Variants in ANO10 observed in about 807,000 individuals in gnomAD.
ANO10 encodes anoctamin-10.
In ANO10, 77 loss-of-function variants were observed where a neutral mutation model predicts 74.7. That is an observed-to-expected ratio of 1.03 (90% confidence interval 0.86 to 1.25). The LOEUF is 1.25. Ranked by LOEUF, ANO10 falls within the 50% of genes most tolerant of loss-of-function variation. The probability of loss-of-function intolerance (pLI) is 0.00; values close to 1 mark genes in which losing one functional copy is unlikely to be tolerated. For missense variants in ANO10, 721 were observed against 778.1 expected (o/e 0.93, Z 0.87); for synonymous variants, 279 against 284.9 (o/e 0.98, Z 0.21).
At chr3:43,678,760 AC>A (rs368672325) in intron 1 of ANO10, among the ~76,000 whole-genome samples, 546 of 152,326 alleles carry the variant, frequency 3.6e-3, no homozygotes, top group African/African-American at 0.011. Flanking sequence ...TCATACTCCT[AC>A]AGTAAAGTCA....
At chr3:43,629,064 T>C (rs1378631723) in intron 1 of ANO10, among the ~76,000 whole-genome samples, 1 of 152,138 alleles carries the variant, frequency 6.6e-6, no homozygotes, top group African/African-American at 2.4e-5. Flanking sequence ...AACTTGCTGG[T>C]TTTGCGGCTT....
At chr3:43,415,950 C>T (rs1288818763) in intron 12 of ANO10, among the ~76,000 whole-genome samples, 1 of 151,734 alleles carries the variant, frequency 6.6e-6, no homozygotes, top group African/African-American at 2.4e-5. Flanking sequence ...TTTAAATAAC[C>T]TAGACTGATG....
chr3:43,506,405 T>C (rs572561216), intron 11 of ANO10, among the ~76,000 whole-genome samples: 6 of 152,330 alleles, frequency 3.9e-5, no homozygotes, highest in Admixed American at 3.3e-4. Flanking sequence ...ACTTCCTACC[T>C]GGTCTCTCTG....
At chr3:43,436,446 T>C (rs989541037) in intron 11 of ANO10, among the ~76,000 whole-genome samples, 1 of 152,080 alleles carries the variant, frequency 6.6e-6, no homozygotes, top group African/African-American at 2.4e-5. Context: ...CTCACAAAAT[T>C]ATATCCTAAA....
chr3:43,515,445 T>A (rs1458738209), intron 11 of ANO10, among the ~76,000 whole-genome samples: 2 of 152,166 alleles, frequency 1.3e-5, no homozygotes, highest in African/African-American at 4.8e-5. Flanking sequence ...AGGACTGGAA[T>A]GACACCATTG....
At chr3:43,603,966 C>T (rs562643142) in intron 2 of ANO10, among the ~76,000 whole-genome samples, 61 of 152,172 alleles carry the variant, frequency 4.0e-4, no homozygotes, top group African/African-American at 1.4e-3. Context: ...AGAATCTGTG[C>T]CTTCAACTGT....
intron 11 of ANO10, among the ~76,000 whole-genome samples, chr3:43,456,243 C>T (rs2075121488): frequency 6.6e-6 from 1 of 152,176 alleles, no homozygotes; most frequent in Non-Finnish European, 1.5e-5. Flanking sequence ...ATGATACTCT[C>T]AGCTGCATTT....
At chr3:43,480,644 G>A (rs2076231295) in intron 11 of ANO10, among the ~76,000 whole-genome samples, 1 of 152,170 alleles carries the variant, frequency 6.6e-6, no homozygotes, top group African/African-American at 2.4e-5. Flanking sequence ...GGTGGTAAAC[G>A]AGAAGCCAAG....
At chr3:43,380,210 A>G (rs1279984697) in intron 12 of ANO10, among the ~76,000 whole-genome samples, 1 of 152,190 alleles carries the variant, frequency 6.6e-6, no homozygotes, top group Non-Finnish European at 1.5e-5. Flanking sequence ...CCTAAGAATA[A>G]TTGGTGTTCT....
chr3:43,565,797 G>T, intron 7 of ANO10, 70 bp from the exon 8 acceptor site: 1 of 1,484,160 alleles, frequency 6.7e-7, no homozygotes, highest in East Asian at 2.5e-5. Flanking sequence ...CAACTGTAAT[G>T]CAGCATTTAA....
In ANO10 at chr3:43,518,311, A is replaced by G. The variant is rs570747090; in HGVS notation, c.1797+31409T>C. Among the ~76,000 whole-genome samples, 9 of 152,258 alleles carry G rather than the reference A, an allele frequency of 5.9e-5. No individual in the cohort carries two copies. In the East Asian group the frequency reaches 1.4e-3, roughly 23 times the overall value. ...TTCATGGACATTTATCACTCCCCCA[A>G]TCAACACTCTTATAATTTCCTATGC... On this transcript the variant is annotated intron_variant, in intron 11 of 12. Coordinates refer to ENST00000292246, the MANE Select transcript of ANO10 (RefSeq NM_018075.5).
chr3:43,450,667 C>T (rs2074822620), intron 11 of ANO10, among the ~76,000 whole-genome samples: 1 of 152,160 alleles, frequency 6.6e-6, no homozygotes, highest in Non-Finnish European at 1.5e-5. Flanking sequence ...TTTTATAAAT[C>T]AAGTGACAAA....
intron 12 of ANO10, among the ~76,000 whole-genome samples, chr3:43,389,301 T>C (rs1037153160): frequency 2.0e-5 from 3 of 152,244 alleles, no homozygotes; most frequent in African/African-American, 7.2e-5. Context: ...AGATAAGCTG[T>C]TTGCTAACAG....
intron 11 of ANO10, among the ~76,000 whole-genome samples, chr3:43,468,601 T>C (rs2075724001): frequency 6.6e-6 from 1 of 152,164 alleles, no homozygotes; most frequent in African/African-American, 2.4e-5. Flanking sequence ...TTTCACCTGT[T>C]TTCATGAATG....
chr3:43,655,724 T>C (rs1043086777), intron 1 of ANO10, among the ~76,000 whole-genome samples: 3 of 152,256 alleles, frequency 2.0e-5, no homozygotes, highest in African/African-American at 7.2e-5. Flanking sequence ...AGATAGAGTG[T>C]TGATTGGTGC....
chr3:43,418,254 G>A (rs190990533), intron 12 of ANO10, among the ~76,000 whole-genome samples: 1 of 152,352 alleles, frequency 6.6e-6, no homozygotes, highest in African/African-American at 2.4e-5. Flanking sequence ...TCCAGCCTGG[G>A]TGACAGGGCG....
chr3:43,597,951 AAC>A (rs1225584323), intron 4 of ANO10, among the ~76,000 whole-genome samples: 2 of 152,004 alleles, frequency 1.3e-5, no homozygotes, highest in Non-Finnish European at 2.9e-5. Flanking sequence ...CAACAAAAAA[AAC>A]AGACTAGGGG....
intron 12 of ANO10, among the ~76,000 whole-genome samples, chr3:43,396,421 C>G (rs1216468155): frequency 6.6e-6 from 1 of 152,134 alleles, no homozygotes; most frequent in Non-Finnish European, 1.5e-5. Context: ...TCACTGCAAC[C>G]TCCGCCTCCC....
chr3:43,485,139 T>G, intron 11 of ANO10: 1 of 807,304 alleles, frequency 1.2e-6, no homozygotes, highest in Non-Finnish European at 2.1e-6. Context: ...TGGAGTGATC[T>G]GGATGGAGTG....
Sources: allele counts gnomAD v4.1 joint callset (sites outside exome capture counted in the v4.1 genomes callset), GRCh38; gene constraint gnomAD v4.1.1; transcripts MANE v1.5; gene names NCBI Gene and HGNC (gene_info 2026-07-23, HGNC 2026-07-21).